The following SGCD variants were observed in gnomAD, a reference collection of about 807,000 sequenced individuals.
SGCD encodes the protein delta-sarcoglycan.
In SGCD, 18 loss-of-function variants were observed where a neutral mutation model predicts 36.6. The observed-to-expected ratio is 0.49, with a 90% confidence interval of 0.34 to 0.73. SGCD has a LOEUF of 0.73. SGCD is among the 30% of genes least tolerant of loss of function. SGCD has a pLI of 0.01. For synonymous variants in SGCD, 133 were observed against 130.6 expected, an observed-to-expected ratio of 1.02 and a Z score of -0.12; for missense variants, 387 against 346.7, an observed-to-expected ratio of 1.12 and a Z score of -0.92.
chr5:156,140,114 A>G (rs1263155522), intron 3 of SGCD, among the ~76,000 whole-genome samples: 1 of 152,232 alleles, frequency 6.6e-6, no homozygotes, highest in Admixed American at 6.5e-5. Context: ...ATTTCTGTTT[A>G]TAAATTACCC....
intron 1 of SGCD, among the ~76,000 whole-genome samples, chr5:156,107,369 C>T (rs1369457373): frequency 6.6e-6 from 1 of 152,128 alleles, no homozygotes; most frequent in Non-Finnish European, 1.5e-5. Flanking sequence ...GCAGAAGGTT[C>T]ACGGAACCCC....
At chr5:156,296,983 C>T (rs1326752411) in intron 3 of SGCD, among the ~76,000 whole-genome samples, 2 of 151,424 alleles carry the variant, frequency 1.3e-5, no homozygotes, top group Non-Finnish European at 2.9e-5. Context: ...TATGTACACA[C>T]TCTATATAGT....
chr5:155,841,539 C>A, the SGCD span, among the ~76,000 whole-genome samples: 1 of 152,074 alleles, frequency 6.6e-6, no homozygotes, highest in African/African-American at 2.4e-5. Context: ...TTTGTGAATA[C>A]TCTGTTTAAA....
At chr5:156,591,829 C>T (rs1760732680) in intron 5 of SGCD, among the ~76,000 whole-genome samples, 1 of 152,080 alleles carries the variant, frequency 6.6e-6, no homozygotes, top group Admixed American at 6.6e-5. Flanking sequence ...TTAAGGATTC[C>T]AGCCATGTCC....
chr5:156,559,200 C>T (rs1021977916), intron 4 of SGCD, among the ~76,000 whole-genome samples: 1 of 152,054 alleles, frequency 6.6e-6, no homozygotes, highest in Non-Finnish European at 1.5e-5. Context: ...GGAACACAGG[C>T]CCAACTTCAA....
Position 155,912,241 on chromosome 5 carries a change from A to T in SGCD, c.-282+41817A>T, listed in dbSNP as rs558010324. Among the ~76,000 whole-genome samples, 51 of 152,212 alleles carry T rather than the reference A, an allele frequency of 3.4e-4. 1 individual carries two copies. The South Asian group carries it at 0.01, about 31-fold the overall frequency. On this transcript the variant is annotated intron_variant, in intron 1 of 9. Coordinates refer to the SGCD transcript ENST00000517913. ...TGTGCTCAAGCAGCTCTACAGAGTGAGTTGTAGAGGAATAAAAAGAGACTC... is the reference window on the plus strand; with the variant it reads ...TGTGCTCAAGCAGCTCTACAGAGTGTGTTGTAGAGGAATAAAAAGAGACTC...
intron 1 of SGCD, among the ~76,000 whole-genome samples, chr5:156,113,354 G>A (rs2871724): frequency 0.18 from 27,888 of 151,906 alleles, 4,211 homozygotes; most frequent in East Asian, 0.46. Flanking sequence ...TATTTATCTG[G>A]CACACATTGA....
intron 3 of SGCD, among the ~76,000 whole-genome samples, chr5:156,243,594 G>A (rs539653123): frequency 6.6e-6 from 1 of 152,254 alleles, no homozygotes; most frequent in South Asian, 2.1e-4. Flanking sequence ...TCTGTCTACT[G>A]AGATAGCACG....
chr5:155,861,943 T>G, the SGCD span, among the ~76,000 whole-genome samples: 1 of 152,204 alleles, frequency 6.6e-6, no homozygotes, highest in Non-Finnish European at 1.5e-5. Context: ...TATTACATTT[T>G]ATGTACTAGC....
chr5:156,153,818 C>A (rs2127615819), intron 3 of SGCD, among the ~76,000 whole-genome samples: 1 of 151,682 alleles, frequency 6.6e-6, no homozygotes, highest in African/African-American at 2.4e-5. Context: ...GAAATGAATT[C>A]ATGGTTACAT....
chr5:155,836,426 G>A, the SGCD span, among the ~76,000 whole-genome samples: 2 of 151,974 alleles, frequency 1.3e-5, no homozygotes, highest in Non-Finnish European at 2.9e-5. Context: ...AAGGATATAG[G>A]AAAGTTATGG....
chr5:156,466,029 C>A (rs763194312), intron 3 of SGCD, among the ~76,000 whole-genome samples: 1 of 152,216 alleles, frequency 6.6e-6, no homozygotes, highest in African/African-American at 2.4e-5. Context: ...GGGACAATAT[C>A]TTTCAAATCT....
chr5:156,103,625 A>T (rs1315539903), intron 1 of SGCD, among the ~76,000 whole-genome samples: 1 of 152,054 alleles, frequency 6.6e-6, no homozygotes, highest in Non-Finnish European at 1.5e-5. Context: ...ATTTGGACCT[A>T]ATTTGTTGGT....
chr5:156,107,649 C>T (rs1265879229), intron 1 of SGCD, among the ~76,000 whole-genome samples: 2 of 152,058 alleles, frequency 1.3e-5, no homozygotes, highest in African/African-American at 4.8e-5. Flanking sequence ...CCCACAAATC[C>T]CCCCTCCTAG....
At chr5:156,127,351 C>G (rs530783218) in intron 3 of SGCD, among the ~76,000 whole-genome samples, 1 of 152,162 alleles carries the variant, frequency 6.6e-6, no homozygotes, top group East Asian at 1.9e-4. Flanking sequence ...TGCCTGTAAT[C>G]TTAGTGATTT....
intron 3 of SGCD, among the ~76,000 whole-genome samples, chr5:156,429,799 A>T (rs937615409): frequency 2.8e-4 from 42 of 152,234 alleles, no homozygotes; most frequent in African/African-American, 9.4e-4. Flanking sequence ...CTGGATACAC[A>T]ATTCTTGGCT....
At chr5:155,993,214 C>T (rs1289900237) in intron 1 of SGCD, among the ~76,000 whole-genome samples, 2 of 152,134 alleles carry the variant, frequency 1.3e-5, no homozygotes, top group Non-Finnish European at 2.9e-5. Context: ...TGGCCCCCGT[C>T]CCCCTGCATT....
intron 1 of SGCD, among the ~76,000 whole-genome samples, chr5:155,891,475 C>CT (rs1756127366): frequency 6.7e-6 from 1 of 149,968 alleles, no homozygotes; most frequent in Non-Finnish European, 1.5e-5. Context: ...TAATTAACTC[C>CT]TGCTTTTTTC....
At chr5:156,694,243 G>A (rs1323432901) in intron 7 of SGCD, among the ~76,000 whole-genome samples, 2 of 152,188 alleles carry the variant, frequency 1.3e-5, no homozygotes, top group Non-Finnish European at 2.9e-5. Context: ...GTAATTTCCA[G>A]AGGAAGTGCT....
Sources: allele counts gnomAD v4.1 joint callset (sites outside exome capture counted in the v4.1 genomes callset), GRCh38; gene constraint gnomAD v4.1.1; transcripts MANE v1.5; gene names NCBI Gene and HGNC (gene_info 2026-07-23, HGNC 2026-07-21).